ATRNL1: variants seen among roughly 807,000 people sequenced by gnomAD.
ATRNL1 encodes the protein attractin like 1.
Under a neutral mutation model 182.7 loss-of-function variants are expected in ATRNL1, and 95 were observed. That is an observed-to-expected ratio of 0.52 (90% CI 0.44 to 0.62). ATRNL1 has a LOEUF of 0.62. Among genes scored for constraint, ATRNL1 ranks in the 20% least tolerant of loss-of-function variants. ATRNL1 has a pLI of 0.00. For missense variants in ATRNL1, 1,471 were observed against 1,679.5 expected (o/e 0.88, Z 2.17); for synonymous variants, 576 against 568.3 (o/e 1.01, Z -0.19).
Position 115,093,865 on chromosome 10 carries a change from G to T in ATRNL1, c.115G>T (p.Gly39Trp), listed in dbSNP as rs782323465. 6.4e-7 allele frequency: 1 copy of T among 1,573,778 alleles called. No individual in the cohort carries two copies. Among genetic ancestry groups the T allele is most frequent in the East Asian group, 2.4e-5 (1 of 40,870 alleles). Residue 39 changes from glycine to tryptophan, a missense_variant, in exon 1 of 29, where the codon GGG becomes TGG. This residue lies in a region of ATRNL1 where 1,031 missense variants were observed against 1,156.0 expected (regional missense o/e 0.89). Coordinates refer to ENST00000355044, the MANE Select transcript of ATRNL1 (RefSeq NM_207303.4). This position sits in a 1 kb window ranked among gnomAD's most constrained non-coding sequence, Gnocchi z 6.1. ...GGGASSWLLDGNSWLLCYGFL... is the reference protein window; with the variant it reads ...GGGASSWLLDWNSWLLCYGFL... Reference sequence around the variant, plus strand: ...GGGCGCCTCCTCCTGGCTGCTGGACGGGAACAGCTGGCTGCTGTGCTATGG... The same window carrying T: ...GGGCGCCTCCTCCTGGCTGCTGGACTGGAACAGCTGGCTGCTGTGCTATGG...
chr10:115,533,199 C>A (rs1851710077), intron 25 of ATRNL1, among the ~76,000 whole-genome samples: 1 of 151,262 alleles, frequency 6.6e-6, no homozygotes, highest in Admixed American at 6.6e-5. Context: ...CCTTGTACCT[C>A]TGGTAGAATT....
rs373860347 is a variant in ATRNL1, at chr10:115,226,811, A to G, written c.1532+10931A>G. Among the ~76,000 whole-genome samples the G allele has an allele frequency of 7.9e-4, 121 of 152,258 alleles. 2 individuals carry two copies. In the South Asian group the frequency reaches 0.024, roughly 31 times the overall value. On this transcript the variant is annotated intron_variant, in intron 9 of 28. Coordinates refer to ENST00000355044, the MANE Select transcript of ATRNL1 (RefSeq NM_207303.4). ...TCATCTGATCTTTGACAAGGCTGAC[A>G]AAAGCAAGCAATGAGGAAAGGACTC...
intron 7 of ATRNL1, among the ~76,000 whole-genome samples, chr10:115,168,259 G>T (rs1387442934): frequency 2.6e-5 from 4 of 151,956 alleles, no homozygotes; most frequent in African/African-American, 9.7e-5. Flanking sequence ...TCCACCTTTT[G>T]GCTATTATGA....
At chr10:115,604,618 C>T (rs975225113) in intron 26 of ATRNL1, among the ~76,000 whole-genome samples, 1 of 152,122 alleles carries the variant, frequency 6.6e-6, no homozygotes, top group Non-Finnish European at 1.5e-5. Context: ...ACACTTAGAC[C>T]TCTTACTCCT....
chr10:115,290,404 CA>C (rs1554920475), intron 15 of ATRNL1, among the ~76,000 whole-genome samples: 1 of 152,094 alleles, frequency 6.6e-6, no homozygotes, highest in African/African-American at 2.4e-5. Flanking sequence ...CCTGTAATTC[CA>C]GCACTTTGGG....
chr10:115,149,039 G>C (rs1846097702), intron 5 of ATRNL1, among the ~76,000 whole-genome samples: 1 of 152,030 alleles, frequency 6.6e-6, no homozygotes, highest in South Asian at 2.1e-4. Context: ...CCTGGCTGTG[G>C]TTGGTTTTAT....
At chr10:115,372,599 A>C (rs1490452411) in intron 19 of ATRNL1, among the ~76,000 whole-genome samples, 1 of 152,208 alleles carries the variant, frequency 6.6e-6, no homozygotes, top group Non-Finnish European at 1.5e-5. Context: ...GTAAATATCC[A>C]GTGTTCCTAA....
chr10:115,307,513 T>C (rs1365500229), intron 17 of ATRNL1, among the ~76,000 whole-genome samples: 1 of 152,136 alleles, frequency 6.6e-6, no homozygotes, highest in Non-Finnish European at 1.5e-5. Context: ...CTGCCCACCT[T>C]GGCCTCCCAA....
intron 26 of ATRNL1, among the ~76,000 whole-genome samples, chr10:115,712,302 A>G (rs1350520626): frequency 1.3e-5 from 2 of 152,220 alleles, no homozygotes; most frequent in South Asian, 2.1e-4. Flanking sequence ...CCTACCCTTT[A>G]AATGAGTTAT....
intron 26 of ATRNL1, among the ~76,000 whole-genome samples, chr10:115,569,838 C>T (rs1390622018): frequency 2.0e-4 from 31 of 151,368 alleles, no homozygotes; most frequent in Admixed American, 2.0e-3. Context: ...ATACCATAAA[C>T]TGGGTGGCTT....
intron 23 of ATRNL1, 54 bp from the exon 24 acceptor site, chr10:115,469,118 T>A (rs1271224822): frequency 1.5e-6 from 1 of 687,560 alleles, no homozygotes; most frequent in Non-Finnish European, 2.1e-6. Context: ...TATGCATTTT[T>A]AAATTCATAA....
chr10:115,846,506 T>C (rs1334696042), intron 27 of ATRNL1, among the ~76,000 whole-genome samples: 1 of 152,128 alleles, frequency 6.6e-6, no homozygotes, highest in African/African-American at 2.4e-5. Context: ...ACAAATCATT[T>C]GTTCTAATAA....
At chr10:115,162,332 GA>G (rs1199793749) in intron 6 of ATRNL1, among the ~76,000 whole-genome samples, 1 of 152,156 alleles carries the variant, frequency 6.6e-6, no homozygotes, top group African/African-American at 2.4e-5. Context: ...ACAAAGGTGA[GA>G]ACTGAGCAAA....
chr10:115,825,377 T>A (rs1950406298), intron 27 of ATRNL1, among the ~76,000 whole-genome samples: 1 of 152,120 alleles, frequency 6.6e-6, no homozygotes, highest in African/African-American at 2.4e-5. Context: ...CGTATATACC[T>A]ATGAACAAAC....
At chr10:115,360,613 C>A (rs1255415331) in intron 19 of ATRNL1, among the ~76,000 whole-genome samples, 3 of 147,474 alleles carry the variant, frequency 2.0e-5, no homozygotes, top group African/African-American at 7.4e-5. Context: ...AAAAAAAAAT[C>A]CGATTATTAG....
At chr10:115,549,638 A>G (rs1852851929) in intron 26 of ATRNL1, 102 bp downstream of exon 26, 2 of 728,792 alleles carry the variant, frequency 2.7e-6, no homozygotes, top group Admixed American at 3.6e-5. Flanking sequence ...CAGAATTTCA[A>G]ATCATTTTTA....
chr10:115,510,098 T>G (rs1184383765), intron 24 of ATRNL1, among the ~76,000 whole-genome samples: 1 of 152,058 alleles, frequency 6.6e-6, no homozygotes, highest in Non-Finnish European at 1.5e-5. Context: ...ACGGAATTGC[T>G]GCAATGTAAT....
intron 10 of ATRNL1, among the ~76,000 whole-genome samples, chr10:115,257,646 C>G (rs146597930): frequency 0.012 from 1,786 of 152,304 alleles, 33 homozygotes; most frequent in African/African-American, 0.04. Flanking sequence ...TTGATCCTGT[C>G]ATTATGATGT....
intron 27 of ATRNL1, among the ~76,000 whole-genome samples, chr10:115,794,705 G>A (rs1949609650): frequency 6.6e-6 from 1 of 152,098 alleles, no homozygotes; most frequent in South Asian, 2.1e-4. Context: ...ATTGGGATGT[G>A]CACAATGTCA....
Sources: gnomAD v4.1 joint callset for allele counts (sites outside exome capture counted in the v4.1 genomes callset) on GRCh38, gnomAD v4.1.1 for gene constraint, gnomAD v4.1.1 regional missense constraint, Gnocchi (gnomAD v3.1) non-coding constraint, MANE v1.5 for transcripts, NCBI Gene and HGNC (gene_info 2026-07-23, HGNC 2026-07-21) for gene names.